The following MAD1L1 variants were observed in gnomAD, a reference collection of about 807,000 sequenced individuals.
MAD1L1 encodes mitotic spindle assembly checkpoint protein MAD1.
MAD1L1 carries 95 observed loss-of-function variants against 96.9 expected under a neutral mutation model. That is an observed-to-expected ratio of 0.98 (90% CI 0.83 to 1.16). The LOEUF (loss-of-function observed/expected upper bound fraction) is 1.16, where lower values mean the gene tolerates loss of function less well. Ranked by LOEUF, MAD1L1 falls within the 50% of genes most tolerant of loss-of-function variation. MAD1L1 has a pLI of 0.00. For synonymous variants in MAD1L1, 473 were observed against 396.6 expected (o/e 1.19, Z -2.29); for missense variants, 1,007 against 954.4 (o/e 1.06, Z -0.73).
At chr7:1,937,306 C>A (rs1016365840) in intron 16 of MAD1L1, among the ~76,000 whole-genome samples, 5 of 152,162 alleles carry the variant, frequency 3.3e-5, no homozygotes, top group Non-Finnish European at 5.9e-5. Flanking sequence ...CCATCTCTTC[C>A]CTACCAGCCT....
intron 18 of MAD1L1, among the ~76,000 whole-genome samples, chr7:1,824,421 G>A (rs572416219): frequency 1.3e-5 from 2 of 152,298 alleles, no homozygotes; most frequent in East Asian, 1.9e-4. Flanking sequence ...TAAAATCACC[G>A]GGCTCAGGGG....
At chr7:1,820,796 T>A (rs1471791083) in intron 18 of MAD1L1, among the ~76,000 whole-genome samples, 1 of 150,950 alleles carries the variant, frequency 6.6e-6, no homozygotes, top group Admixed American at 6.6e-5. Context: ...CTGGCAAAAC[T>A]GACAAAGATT....
chr7:1,827,534 C>T (rs1406114805), intron 18 of MAD1L1, among the ~76,000 whole-genome samples: 2 of 129,764 alleles, frequency 1.5e-5, no homozygotes, highest in East Asian at 2.2e-4. Flanking sequence ...GAGCCCGTCC[C>T]GGGTGTGGGG....
At chr7:2,228,195 C>A (rs1794007798) in intron 3 of MAD1L1, among the ~76,000 whole-genome samples, 1 of 152,030 alleles carries the variant, frequency 6.6e-6, no homozygotes, top group Admixed American at 6.5e-5. Flanking sequence ...CTCCGAGCCC[C>A]AAGACAGACT....
chr7:1,938,503 T>C (rs1366382081), intron 16 of MAD1L1, among the ~76,000 whole-genome samples: 1 of 152,180 alleles, frequency 6.6e-6, no homozygotes, highest in East Asian at 1.9e-4. Context: ...GGAGGTGCTG[T>C]TTGAAAATCA....
intron 11 of MAD1L1, among the ~76,000 whole-genome samples, chr7:2,076,071 C>T (rs922728295): frequency 3.9e-5 from 6 of 152,204 alleles, no homozygotes; most frequent in Non-Finnish European, 8.8e-5. Flanking sequence ...GGACCTGATC[C>T]GACCCTTGGG....
chr7:1,993,031 A>G (rs921227150), intron 14 of MAD1L1, among the ~76,000 whole-genome samples: 5 of 152,108 alleles, frequency 3.3e-5, no homozygotes. Context: ...TACTCCCATA[A>G]TTTTTCAAGA....
At chr7:1,848,638 T>A (rs1036598144) in intron 18 of MAD1L1, 7 of 154,470 alleles carry the variant, frequency 4.5e-5, no homozygotes, top group Admixed American at 2.0e-4. Flanking sequence ...CGATTTGCGC[T>A]CCTGGTTCCG....
chr7:1,945,048 G>A (rs983177968), intron 16 of MAD1L1, among the ~76,000 whole-genome samples: 1 of 152,204 alleles, frequency 6.6e-6, no homozygotes, highest in African/African-American at 2.4e-5. Flanking sequence ...GAGAGACAGT[G>A]GACACCGAGA....
chr7:2,049,920 C>T (rs972591566), intron 12 of MAD1L1, among the ~76,000 whole-genome samples: 4 of 149,480 alleles, frequency 2.7e-5, no homozygotes, highest in Non-Finnish European at 5.9e-5. Flanking sequence ...CCAACATCTG[C>T]GGACACCAGA....
chr7:1,879,832 G>A (rs1048757263), intron 18 of MAD1L1, among the ~76,000 whole-genome samples: 3 of 152,114 alleles, frequency 2.0e-5, no homozygotes, highest in Admixed American at 6.5e-5. Flanking sequence ...CCGGGTTCAC[G>A]CCATTCTCCT....
At position 2,146,374 on chromosome 7, in the gene MAD1L1, G is replaced by A. The variant is rs892440649; in HGVS notation, c.1073+2778C>T. Among the ~76,000 whole-genome samples, 3 of 150,046 alleles carry A rather than the reference G, an allele frequency of 2.0e-5. No homozygotes were observed. The highest frequency in any genetic ancestry group is 7.4e-5 in the African/African-American group (3 of 40,400). On this transcript the variant is annotated intron_variant, in intron 11 of 18. Transcript: ENST00000265854. The surrounding 1 kb of genome is among the most constrained non-coding windows in gnomAD (Gnocchi z 6.2). Reference sequence around the variant, plus strand: ...CCGGGCACTGGGCTACGAGGAACAGGGCAACGCCTCGAAGAGGGAGCACCG... The same window carrying A: ...CCGGGCACTGGGCTACGAGGAACAGAGCAACGCCTCGAAGAGGGAGCACCG...
At chr7:1,871,671 C>T (rs1785112091) in intron 18 of MAD1L1, among the ~76,000 whole-genome samples, 1 of 151,250 alleles carries the variant, frequency 6.6e-6, no homozygotes, top group African/African-American at 2.4e-5. Context: ...CCAACATACG[C>T]CTGCCACGCT....
At chr7:1,885,504 G>A (rs996778973) in intron 18 of MAD1L1, among the ~76,000 whole-genome samples, 3 of 152,190 alleles carry the variant, frequency 2.0e-5, no homozygotes, top group African/African-American at 4.8e-5. Flanking sequence ...GGCCACAGGG[G>A]TGCGGTCGGA....
At chr7:2,144,336 C>T (rs1321130400) in intron 11 of MAD1L1, among the ~76,000 whole-genome samples, 2 of 152,204 alleles carry the variant, frequency 1.3e-5, no homozygotes, top group South Asian at 4.1e-4. Context: ...CATTCATCGC[C>T]GGGATTACAG....
chr7:1,873,090 G>A (rs999296868), intron 18 of MAD1L1, among the ~76,000 whole-genome samples: 6 of 152,254 alleles, frequency 3.9e-5, no homozygotes, highest in East Asian at 1.9e-4. Flanking sequence ...ATGCCGAGCC[G>A]TGGAGGAGCG....
intron 12 of MAD1L1, among the ~76,000 whole-genome samples, chr7:2,029,327 C>T (rs1783115341): frequency 6.6e-6 from 1 of 152,160 alleles, no homozygotes; most frequent in Non-Finnish European, 1.5e-5. Flanking sequence ...AGATTACACG[C>T]TGCATGGCTC....
At chr7:1,956,242 C>G (rs1188520109) in intron 16 of MAD1L1, among the ~76,000 whole-genome samples, 2 of 152,094 alleles carry the variant, frequency 1.3e-5, no homozygotes, top group Non-Finnish European at 2.9e-5. Flanking sequence ...GACGTCCCCC[C>G]ACTAAGGGTG....
intron 18 of MAD1L1, among the ~76,000 whole-genome samples, chr7:1,827,184 G>A (rs1405113777): frequency 6.6e-6 from 1 of 152,226 alleles, no homozygotes; most frequent in Non-Finnish European, 1.5e-5. Flanking sequence ...GGATGAGTTA[G>A]AGGAGGTGGC....
Sources: gnomAD v4.1 joint callset for allele counts (sites outside exome capture counted in the v4.1 genomes callset) on GRCh38, gnomAD v4.1.1 for gene constraint, Gnocchi (gnomAD v3.1) non-coding constraint, MANE v1.5 for transcripts, NCBI Gene and HGNC (gene_info 2026-07-23, HGNC 2026-07-21) for gene names.